LIMK2: variants seen among roughly 807,000 people sequenced by gnomAD.
LIMK2 encodes the protein LIM domain kinase 2.
LIMK2 carries 35 observed loss-of-function variants against 75.7 expected under a neutral mutation model. The ratio of observed to expected loss-of-function variants is 0.46; its 90% confidence interval spans 0.35 to 0.61. LIMK2 has a LOEUF of 0.61. Among genes scored for constraint, LIMK2 ranks in the 20% least tolerant of loss-of-function variants. The pLI is 0.00. For synonymous variants in LIMK2, 301 were observed against 319.2 expected (o/e 0.94, Z 0.61); for missense variants, 623 against 831.0 (o/e 0.75, Z 3.08).
At chr22:31,266,199 T>G (rs2048893966) in intron 8 of LIMK2, 67 bp downstream of exon 8, 3 of 1,504,806 alleles carry the variant, frequency 2.0e-6, no homozygotes, top group Non-Finnish European at 2.7e-6. Context: ...TTTCGGGGAT[T>G]TCTCATCACT....
At chr22:31,223,651 C>T (rs1003312802) in intron 1 of LIMK2, among the ~76,000 whole-genome samples, 4 of 152,120 alleles carry the variant, frequency 2.6e-5, no homozygotes, top group African/African-American at 4.8e-5. Flanking sequence ...GTCCACTGTC[C>T]GTAACCCAAC....
At chr22:31,240,690 G>A (rs1328696227) in intron 2 of LIMK2, among the ~76,000 whole-genome samples, 5 of 152,054 alleles carry the variant, frequency 3.3e-5, no homozygotes, top group Admixed American at 3.3e-4. Context: ...CCAAAGTGCT[G>A]GGATTACAGG....
rs61098917 is a variant in LIMK2, at chr22:31,272,734, C to T, written c.1558+30C>T. 20,762 of 1,552,326 alleles carry T rather than the reference C, an allele frequency of 0.013. 2,425 individuals are homozygous for T. In the African/African-American group the frequency reaches 0.25, roughly 19 times the overall value. On this transcript the variant is annotated intron_variant, in intron 13 of 15. Transcript: ENST00000331728. Reference sequence around the variant, plus strand: ...GTCCTGAAGCCCTGGAGGGGACACCCGCAGAGGGAGGACAGATGCTGCCCT... The same window carrying T: ...GTCCTGAAGCCCTGGAGGGGACACCTGCAGAGGGAGGACAGATGCTGCCCT...
chr22:31,213,242 C>T (rs1216737732), intron 1 of LIMK2, among the ~76,000 whole-genome samples: 1 of 152,144 alleles, frequency 6.6e-6, no homozygotes, highest in African/African-American at 2.4e-5. Flanking sequence ...GTTAGTTGCA[C>T]CTGCAGTCAC....
chr22:31,212,783 A>C (rs1471708776), intron 1 of LIMK2, among the ~76,000 whole-genome samples: 2 of 152,074 alleles, frequency 1.3e-5, no homozygotes. Flanking sequence ...TTTTTAAGGA[A>C]GTTGAAAAGC....
chr22:31,267,148 G>T, intron 9 of LIMK2, 78 bp downstream of exon 9: 1 of 807,042 alleles, frequency 1.2e-6, no homozygotes, highest in Non-Finnish European at 2.0e-6. Flanking sequence ...GGCTTCAAGA[G>T]AAAATACAGT....
At chr22:31,240,456 G>T (rs1029550529) in intron 2 of LIMK2, among the ~76,000 whole-genome samples, 1 of 147,362 alleles carries the variant, frequency 6.8e-6, no homozygotes, top group Non-Finnish European at 1.5e-5. Context: ...TTGGAGTCTC[G>T]CTGTGTCGCC....
chr22:31,250,503 T>A (rs144027083), intron 2 of LIMK2, among the ~76,000 whole-genome samples: 2 of 152,336 alleles, frequency 1.3e-5, no homozygotes, highest in East Asian at 3.9e-4. Context: ...GAACCTGATC[T>A]TCTTGCCCCT....
chr22:31,277,294 C>T, intron 15 of LIMK2: 1 of 1,464,628 alleles, frequency 6.8e-7, no homozygotes, highest in Non-Finnish European at 9.0e-7. Flanking sequence ...CCCCTGCCCC[C>T]TCAGTTTTCC....
chr22:31,243,722 A>G (rs993114474), intron 2 of LIMK2, among the ~76,000 whole-genome samples: 3 of 152,258 alleles, frequency 2.0e-5, no homozygotes, highest in Admixed American at 1.3e-4. Context: ...TCTGGCAGCC[A>G]TAACTGATGA....
intron 15 of LIMK2, among the ~76,000 whole-genome samples, chr22:31,276,402 G>A (rs752066341): frequency 3.9e-5 from 6 of 151,966 alleles, no homozygotes; most frequent in Admixed American, 2.0e-4. Flanking sequence ...AGGATAACCA[G>A]TTGGGACATA....
At chr22:31,260,931 G>C (rs2048831943) in intron 5 of LIMK2, among the ~76,000 whole-genome samples, 1 of 152,222 alleles carries the variant, frequency 6.6e-6, no homozygotes, top group South Asian at 2.1e-4. Flanking sequence ...TAAGCAGCAA[G>C]GTGTTGTGAC....
At chr22:31,228,568 A>G (rs1055932261) in intron 2 of LIMK2, among the ~76,000 whole-genome samples, 2 of 152,224 alleles carry the variant, frequency 1.3e-5, no homozygotes, top group African/African-American at 4.8e-5. Context: ...TACTCATGCC[A>G]CATGGTTGTT....
intron 2 of LIMK2, among the ~76,000 whole-genome samples, chr22:31,256,685 C>T (rs1470855836): frequency 6.6e-6 from 1 of 152,108 alleles, no homozygotes. Context: ...ATTTTCACAG[C>T]AGTTCATTTT....
intron 1 of LIMK2, among the ~76,000 whole-genome samples, chr22:31,218,586 A>G (rs2048406981): frequency 6.6e-6 from 1 of 152,222 alleles, no homozygotes; most frequent in African/African-American, 2.4e-5. Flanking sequence ...CTAGTGAGGA[A>G]GAAAACCCTT....
rs2048527163 is a variant in LIMK2 at position 31,231,382 on chromosome 22, T to TA, written c.116+5564dup. Among the ~76,000 whole-genome samples the TA allele has an allele frequency of 1.3e-5, 2 of 152,260 alleles. 1 individual carries two copies. The highest frequency in any genetic ancestry group is 4.1e-4 in the South Asian group (2 of 4,838). ...ATGCTGTTGATGTTGCTGCCACACT[T>TA]ACTAACCTAAACCTTTGATTCTGGC... is the stretch of plus-strand genomic sequence containing the variant. On this transcript the variant is annotated intron_variant, in intron 2 of 15. Coordinates refer to ENST00000331728, the MANE Select transcript of LIMK2 (RefSeq NM_005569.4).
intron 2 of LIMK2, among the ~76,000 whole-genome samples, chr22:31,236,744 T>C (rs2048579134): frequency 6.7e-6 from 1 of 149,276 alleles, no homozygotes; most frequent in South Asian, 2.1e-4. Context: ...TGAAACCCCA[T>C]CTCAACTGAA....
chr22:31,217,910 A>G (rs141650473), intron 1 of LIMK2, among the ~76,000 whole-genome samples: 1 of 152,310 alleles, frequency 6.6e-6, no homozygotes, highest in Non-Finnish European at 1.5e-5. Context: ...TTCACACCCC[A>G]TGAGTACACA....
chr22:31,247,119 G>A (rs117803160), intron 2 of LIMK2, among the ~76,000 whole-genome samples: 147 of 152,322 alleles, frequency 9.7e-4, no homozygotes, highest in Non-Finnish European at 1.4e-3. Flanking sequence ...AGAGATAGAA[G>A]CTGCACGGTG....
Sources: allele counts gnomAD v4.1 joint callset (sites outside exome capture counted in the v4.1 genomes callset), GRCh38; gene constraint gnomAD v4.1.1; transcripts MANE v1.5; gene names NCBI Gene and HGNC (gene_info 2026-07-23, HGNC 2026-07-21).